Variants in NREP observed in about 807,000 individuals in gnomAD.
NREP encodes neuronal regeneration related protein, also known as neuronal regeneration-related protein.
In NREP, 5 loss-of-function variants were observed where a neutral mutation model predicts 8.6. The observed-to-expected ratio is 0.58, with a 90% CI of 0.30 to 1.22. The LOEUF is 1.22. Ranked by LOEUF, NREP falls within the 50% of genes most tolerant of loss-of-function variation. NREP has a pLI of 0.07. For synonymous variants in NREP, 27 were observed against 28.0 expected (o/e 0.96, Z 0.11); for missense variants, 86 against 82.5 (o/e 1.04, Z -0.17).
At chr5:111,771,735 C>G (rs532952941) in intron 2 of NREP, among the ~76,000 whole-genome samples, 1 of 150,348 alleles carries the variant, frequency 6.7e-6, no homozygotes, top group Non-Finnish European at 1.5e-5. Flanking sequence ...TGCACTCCAG[C>G]CTGGGCAACA....
chr5:111,863,759 G>T (rs1200157407), intron 2 of NREP, among the ~76,000 whole-genome samples: 1 of 152,062 alleles, frequency 6.6e-6, no homozygotes, highest in Non-Finnish European at 1.5e-5. Context: ...TAATTATCTG[G>T]TCTTTCTTTC....
At chr5:111,873,451 C>G (rs1050091390) in intron 2 of NREP, among the ~76,000 whole-genome samples, 1 of 152,172 alleles carries the variant, frequency 6.6e-6, no homozygotes, top group Non-Finnish European at 1.5e-5. Flanking sequence ...TCTGCTCAAA[C>G]TGTTGGAATG....
rs570923315 is a variant in NREP at position 111,862,757 on chromosome 5, C to T, written c.135+112517G>A. 9.9e-5 allele frequency among the ~76,000 whole-genome samples: 15 copies of T among 151,494 alleles called. 1 individual carries two copies. The highest frequency in any genetic ancestry group is 2.1e-4 in the South Asian group (1 of 4,792). On this transcript the variant is annotated intron_variant, in intron 2 of 3. Coordinates refer to the NREP transcript ENST00000395634. ...TATCGAGTTTACAATCTACTAAAGACGACAGACAAAACTACCCATGGCATT... is the reference window on the plus strand; with the variant it reads ...TATCGAGTTTACAATCTACTAAAGATGACAGACAAAACTACCCATGGCATT...
At chr5:111,970,905 C>T (rs961176583) in intron 2 of NREP, among the ~76,000 whole-genome samples, 12 of 151,192 alleles carry the variant, frequency 7.9e-5, no homozygotes, top group South Asian at 2.1e-4. Flanking sequence ...CATTTTTCTG[C>T]CTTTCCTTTC....
chr5:111,975,207 T>C (rs984624953), intron 2 of NREP: 16 of 1,075,252 alleles, frequency 1.5e-5, no homozygotes, highest in Non-Finnish European at 2.1e-5. Flanking sequence ...CTTGGTTGCA[T>C]GTGATGGAAA....
At chr5:111,841,672 G>A (rs867777687) in intron 2 of NREP, among the ~76,000 whole-genome samples, 8 of 152,032 alleles carry the variant, frequency 5.3e-5, no homozygotes, top group African/African-American at 1.4e-4. Context: ...GCACACCCTT[G>A]AATTATATGT....
rs191907347 is a variant in NREP, at chr5:111,766,451, A to C, written c.136-30944T>G. On this transcript the variant is annotated intron_variant, in intron 2 of 3. Coordinates refer to the NREP transcript ENST00000395634. Reference sequence around the variant, plus strand: ...TGTGAAAGGGTTGAAAAGAGTTGAAAGGGTAATGAAAGGCTTCTGCTATTC... The same window carrying C: ...TGTGAAAGGGTTGAAAAGAGTTGAACGGGTAATGAAAGGCTTCTGCTATTC... Among the ~76,000 whole-genome samples, 11 of 152,364 alleles carry C rather than the reference A, an allele frequency of 7.2e-5. No homozygotes were observed. In the East Asian group the frequency reaches 1.9e-3, roughly 27 times the overall value.
intron 2 of NREP, among the ~76,000 whole-genome samples, chr5:111,810,215 T>A (rs1752240034): frequency 6.6e-6 from 1 of 152,106 alleles, no homozygotes; most frequent in Non-Finnish European, 1.5e-5. Context: ...ACAGAGCCCA[T>A]GAGGCAACGG....
chr5:111,778,234 T>C (rs1218204669), intron 2 of NREP, among the ~76,000 whole-genome samples: 1 of 152,150 alleles, frequency 6.6e-6, no homozygotes, highest in African/African-American at 2.4e-5. Context: ...TCCAGATACA[T>C]TTGTAATAAT....
chr5:111,853,610 CTCAG>C (rs1435720772), intron 2 of NREP, among the ~76,000 whole-genome samples: 1 of 152,008 alleles, frequency 6.6e-6, no homozygotes, highest in East Asian at 1.9e-4. Context: ...AATAGAAGCA[CTCAG>C]TAAGTTTGTT....
chr5:111,746,492 G>A (rs948113605), intron 2 of NREP, among the ~76,000 whole-genome samples: 3 of 152,000 alleles, frequency 2.0e-5, no homozygotes, highest in Non-Finnish European at 4.4e-5. Flanking sequence ...ATTAATAAAG[G>A]ACTAAAATTG....
At chr5:111,907,188 A>G (rs1386607802) in intron 2 of NREP, among the ~76,000 whole-genome samples, 1 of 152,006 alleles carries the variant, frequency 6.6e-6, no homozygotes, top group Non-Finnish European at 1.5e-5. Flanking sequence ...CAGTTTTTTA[A>G]TTTTATGAAG....
intron 2 of NREP, among the ~76,000 whole-genome samples, chr5:111,785,991 C>G (rs910521238): frequency 6.6e-6 from 1 of 152,140 alleles, no homozygotes; most frequent in East Asian, 1.9e-4. Context: ...CTTTTTATCA[C>G]GTAGTGTGGA....
intron 2 of NREP, among the ~76,000 whole-genome samples, chr5:111,924,304 G>A (rs1755323892): frequency 6.6e-6 from 1 of 152,136 alleles, no homozygotes; most frequent in Non-Finnish European, 1.5e-5. Flanking sequence ...CTGAGAATGA[G>A]AGAACTCAGA....
At chr5:111,828,033 AT>A (rs776838938) in intron 2 of NREP, among the ~76,000 whole-genome samples, 1,514 of 146,270 alleles carry the variant, frequency 0.01, 3 homozygotes, top group Middle Eastern at 0.025. Context: ...TTCCTTTAGA[AT>A]TTTTTTTTTT....
chr5:111,854,278 T>TA (rs1753375980), intron 2 of NREP, among the ~76,000 whole-genome samples: 1 of 152,184 alleles, frequency 6.6e-6, no homozygotes, highest in Non-Finnish European at 1.5e-5. Context: ...CAGCAGTTCT[T>TA]CATGCTGAGA....
At chr5:111,753,055 T>C (rs1750461941) in intron 2 of NREP, among the ~76,000 whole-genome samples, 3 of 151,210 alleles carry the variant, frequency 2.0e-5, no homozygotes, top group Admixed American at 6.6e-5. Context: ...ATCCTACTAA[T>C]TGCAAAAAAA....
At chr5:111,803,274 C>A (rs1234397104) in intron 2 of NREP, among the ~76,000 whole-genome samples, 1 of 152,080 alleles carries the variant, frequency 6.6e-6, no homozygotes, top group Non-Finnish European at 1.5e-5. Flanking sequence ...AAAGGAGAAG[C>A]TTTAAATAGA....
At chr5:111,906,233 T>C (rs1454321972) in intron 2 of NREP, among the ~76,000 whole-genome samples, 5 of 152,236 alleles carry the variant, frequency 3.3e-5, no homozygotes, top group East Asian at 1.9e-4. Context: ...GGTATCTCTA[T>C]AGAGGCAGGA....
Sources: allele counts gnomAD v4.1 joint callset (sites outside exome capture counted in the v4.1 genomes callset), GRCh38; gene constraint gnomAD v4.1.1; transcripts MANE v1.5; gene names NCBI Gene and HGNC (gene_info 2026-07-23, HGNC 2026-07-21).